The following NR2C1 variants were observed in gnomAD, a reference collection of about 807,000 sequenced individuals.
NR2C1 encodes TR2 nuclear hormone receptor.
In NR2C1, 33 loss-of-function variants were observed where a neutral mutation model predicts 74.8. That is an observed-to-expected ratio of 0.44 (90% CI 0.33 to 0.59). The LOEUF (loss-of-function observed/expected upper bound fraction) is 0.59, where lower values mean the gene tolerates loss of function less well. Ranked by LOEUF, NR2C1 falls within the 20% of genes least tolerant of loss-of-function variation. The pLI is 0.02. For synonymous variants in NR2C1, 225 were observed against 240.6 expected, an observed-to-expected ratio of 0.94 and a Z score of 0.60; for missense variants, 568 against 715.6, an observed-to-expected ratio of 0.79 and a Z score of 2.35.
intron 7 of NR2C1, among the ~76,000 whole-genome samples, chr12:95,054,140 A>T (rs1873482212): frequency 6.6e-6 from 1 of 152,170 alleles, no homozygotes; most frequent in Non-Finnish European, 1.5e-5. Flanking sequence ...ATTTACTGAA[A>T]ACCCTACCAG....
intron 11 of NR2C1, chr12:95,030,569 A>G (rs1409832975): frequency 2.5e-6 from 4 of 1,613,212 alleles, no homozygotes; most frequent in Admixed American, 3.3e-5. Context: ...TAAGATGGGA[A>G]TGTGATGCTG....
chr12:95,026,772 T>C (rs1306808548), intron 12 of NR2C1: 1 of 152,166 alleles, frequency 6.6e-6, no homozygotes, highest in African/African-American at 2.4e-5. Flanking sequence ...CATATCAGAA[T>C]GAAAAATACA....
chr12:95,047,379 A>T (rs565968963), intron 9 of NR2C1, among the ~76,000 whole-genome samples: 6 of 152,234 alleles, frequency 3.9e-5, no homozygotes, highest in African/African-American at 1.4e-4. Context: ...TAGAAAAAAA[A>T]TTTCTAATTT....
At chr12:95,048,982 A>G in intron 9 of NR2C1, 86 bp downstream of exon 9, 1 of 1,251,988 alleles carries the variant, frequency 8.0e-7, no homozygotes, top group Non-Finnish European at 1.1e-6. Flanking sequence ...TGACTTTAAA[A>G]GCACAACAAA....
At chr12:95,035,355 G>C (rs142366166) in intron 10 of NR2C1, among the ~76,000 whole-genome samples, 249 of 151,776 alleles carry the variant, frequency 1.6e-3, no homozygotes, top group South Asian at 8.3e-3. Flanking sequence ...CTAACATGAA[G>C]GAAGTTAGAG....
At chr12:95,061,220 G>A (rs751269233) in intron 3 of NR2C1, among the ~76,000 whole-genome samples, 2 of 152,188 alleles carry the variant, frequency 1.3e-5, no homozygotes, top group Non-Finnish European at 2.9e-5. Context: ...TCAACTCAAT[G>A]CAATAAGGTA....
rs1184015482 is a variant in NR2C1, at chr12:95,028,237, A to G, written c.1531+150T>C. On this transcript the variant is annotated intron_variant, in intron 12 of 13. Transcript: ENST00000333003. Reference sequence around the variant, plus strand: ...AAGAGTGAAGCTGCTGAGTCATATGATAACTCCATGTTTAACCTTTTGAAG... The same window carrying G: ...AAGAGTGAAGCTGCTGAGTCATATGGTAACTCCATGTTTAACCTTTTGAAG... 1.5e-5 allele frequency: 9 copies of G among 606,570 alleles called. No individual in the cohort carries two copies. In the South Asian group the frequency reaches 1.5e-4, roughly 10 times the overall value. 37.6% of individuals were successfully genotyped at this position (606,570 alleles called of 1,614,324 possible). A position where few individuals can be genotyped will look rare whatever the true frequency, so the allele number is the denominator to read the frequency against.
chr12:95,030,623 C>T (rs1205054754), intron 11 of NR2C1: 1 of 1,612,750 alleles, frequency 6.2e-7, no homozygotes, highest in Non-Finnish European at 8.5e-7. Flanking sequence ...AGGTGATTAC[C>T]CCTCTGCTGT....
At chr12:95,054,949 T>C (rs1398940686) in intron 7 of NR2C1, among the ~76,000 whole-genome samples, 1 of 152,102 alleles carries the variant, frequency 6.6e-6, no homozygotes, top group African/African-American at 2.4e-5. Context: ...TAGGGAGTGG[T>C]GATGATTCTT....
chr12:95,058,268 G>T, intron 5 of NR2C1, 42 bp downstream of exon 5: 1 of 1,530,438 alleles, frequency 6.5e-7, no homozygotes. Flanking sequence ...TAGTTTGCTG[G>T]AATCTTTAAA....
At position 95,042,526 on chromosome 12, in the gene NR2C1, T is replaced by C. The variant is rs1386722206; in HGVS notation, c.1132-1929A>G. On this transcript the variant is annotated intron_variant, in intron 9 of 13. Transcript: ENST00000333003. ...CCGCACCTGGCCTGTCAAAGGTATC[T>C]GCTATCTAAAATACCGCACCTGGCC... Among the ~76,000 whole-genome samples, 38 of 152,082 alleles carry C rather than the reference T, an allele frequency of 2.5e-4. 1 individual carries two copies. The highest frequency in any genetic ancestry group is 2.5e-3 in the Admixed American group (38 of 15,238).
intron 7 of NR2C1, among the ~76,000 whole-genome samples, chr12:95,052,464 CTTT>C (rs1565860488): frequency 1.3e-5 from 2 of 152,054 alleles, no homozygotes; most frequent in South Asian, 4.2e-4. Context: ...GTATATGTTA[CTTT>C]TTTTTAAGAG....
chr12:95,039,635 T>C (rs76737503), intron 10 of NR2C1, among the ~76,000 whole-genome samples: 220 of 152,322 alleles, frequency 1.4e-3, no homozygotes, highest in Non-Finnish European at 2.2e-3. Flanking sequence ...AATGTAGATA[T>C]ACTCTTTTTT....
At chr12:95,040,802 A>G (rs1871431294) in intron 9 of NR2C1, among the ~76,000 whole-genome samples, 1 of 152,232 alleles carries the variant, frequency 6.6e-6, no homozygotes. Flanking sequence ...TAACAAGCCA[A>G]TATTTAGACA....
At chr12:95,056,296 C>CT (rs1424528929) in intron 7 of NR2C1, among the ~76,000 whole-genome samples, 1 of 152,174 alleles carries the variant, frequency 6.6e-6, no homozygotes, top group African/African-American at 2.4e-5. Context: ...GAGAGAAACC[C>CT]TGATCATAGG....
chr12:95,061,648 T>C (rs575763082), intron 3 of NR2C1, among the ~76,000 whole-genome samples: 29 of 152,350 alleles, frequency 1.9e-4, no homozygotes, highest in Admixed American at 1.8e-3. Flanking sequence ...TCGTGTTTTA[T>C]GAATTCAGAG....
rs1565826752 is a variant in NR2C1, at chr12:95,021,298, A to G, written c.*931T>C. On this transcript the variant is annotated 3_prime_UTR_variant, in exon 14 of 14. Transcript: ENST00000333003. ...AGCAATCTGCCTGCCTCAGCCTCCCAAAGTGCTGGGATTATAGGCATGAGC... is the reference window on the plus strand; with the variant it reads ...AGCAATCTGCCTGCCTCAGCCTCCCGAAGTGCTGGGATTATAGGCATGAGC... The G allele has an allele frequency of 1.3e-5, 2 of 151,680 alleles. No homozygotes were observed. The highest frequency in any genetic ancestry group is 2.9e-5 in the Non-Finnish European group (2 of 67,882). The allele number at this position is 151,680 out of a possible 1,614,324, so 9.4% of individuals were successfully genotyped here.
At chr12:95,049,696 G>A (rs1455010789) in intron 8 of NR2C1, among the ~76,000 whole-genome samples, 4 of 151,744 alleles carry the variant, frequency 2.6e-5, no homozygotes, top group Non-Finnish European at 4.4e-5. Flanking sequence ...TATTTATTTT[G>A]TATACAAAAG....
intron 4 of NR2C1, among the ~76,000 whole-genome samples, chr12:95,059,164 T>C (rs1170243442): frequency 6.6e-6 from 1 of 151,530 alleles, no homozygotes; most frequent in Non-Finnish European, 1.5e-5. Context: ...TAGCAGGGCA[T>C]GGTGGCACAC....
Sources: gnomAD v4.1 joint callset for allele counts (sites outside exome capture counted in the v4.1 genomes callset) on GRCh38, gnomAD v4.1.1 for gene constraint, MANE v1.5 for transcripts, NCBI Gene and HGNC (gene_info 2026-07-23, HGNC 2026-07-21) for gene names.